The following PDE4D variants were observed in gnomAD, a reference collection of about 807,000 sequenced individuals.
PDE4D encodes the protein phosphodiesterase 4D.
In PDE4D, 24 loss-of-function variants were observed where a neutral mutation model predicts 87.4. The ratio of observed to expected loss-of-function variants is 0.27; its 90% CI spans 0.20 to 0.39. The LOEUF is 0.39. PDE4D is among the 10% of genes least tolerant of loss of function. The pLI, the probability that PDE4D is intolerant of heterozygous loss-of-function variation, is 1.00. For missense variants in PDE4D, 714 were observed against 1,041.0 expected, an observed-to-expected ratio of 0.69 and a Z score of 4.32; for synonymous variants, 384 against 383.2, an observed-to-expected ratio of 1.00 and a Z score of -0.02.
chr5:60,459,727 G>A (rs1420529320), intron 1 of PDE4D: 1 of 376,132 alleles, frequency 2.7e-6, no homozygotes, highest in South Asian at 3.3e-5. Flanking sequence ...CCATGGTGTA[G>A]AGCAAAGAGA....
intron 1 of PDE4D, among the ~76,000 whole-genome samples, chr5:59,699,983 CT>C (rs947819824): frequency 3.3e-5 from 5 of 152,088 alleles, no homozygotes; most frequent in Non-Finnish European, 7.4e-5. Flanking sequence ...GGCAGGATCC[CT>C]TTAGTTTGAG....
intron 1 of PDE4D, among the ~76,000 whole-genome samples, chr5:59,743,356 C>G (rs949708394): frequency 6.6e-6 from 1 of 152,108 alleles, no homozygotes; most frequent in Non-Finnish European, 1.5e-5. Flanking sequence ...GATTAAATAA[C>G]TCCACCAAAA....
At chr5:58,990,997 G>A in intron 8 of PDE4D, 95 bp from the exon 9 acceptor site, 3 of 741,834 alleles carry the variant, frequency 4.0e-6, no homozygotes, top group Non-Finnish European at 4.5e-6. Flanking sequence ...CAGACCTTAG[G>A]TGGCCGGGCA....
At chr5:59,872,031 C>T (rs1747882888) in intron 1 of PDE4D, among the ~76,000 whole-genome samples, 1 of 152,126 alleles carries the variant, frequency 6.6e-6, no homozygotes, top group Non-Finnish European at 1.5e-5. Context: ...ACCTCAACTC[C>T]ACCAAGCCCA....
chr5:60,427,874 C>G (rs1743854998), intron 1 of PDE4D, among the ~76,000 whole-genome samples: 1 of 152,028 alleles, frequency 6.6e-6, no homozygotes. Flanking sequence ...GAGTTTGAGA[C>G]CAGCCTGGGC....
At chr5:60,344,911 G>GA (rs1331872660) in intron 1 of PDE4D, among the ~76,000 whole-genome samples, 5 of 151,874 alleles carry the variant, frequency 3.3e-5, no homozygotes, top group Non-Finnish European at 5.9e-5. Context: ...ACATATTGTG[G>GA]AAAAAGTGAA....
chr5:59,446,690 G>A (rs1369737975), intron 1 of PDE4D, among the ~76,000 whole-genome samples: 1 of 152,214 alleles, frequency 6.6e-6, no homozygotes, highest in African/African-American at 2.4e-5. Context: ...CAATATCCTT[G>A]AGATATTACT....
At chr5:58,985,605 A>C (rs1746232296) in intron 11 of PDE4D, among the ~76,000 whole-genome samples, 1 of 152,162 alleles carries the variant, frequency 6.6e-6, no homozygotes, top group Non-Finnish European at 1.5e-5. Flanking sequence ...TGGGTTTATA[A>C]ATTTGATAAT....
intron 2 of PDE4D, among the ~76,000 whole-genome samples, chr5:60,085,677 G>A (rs1024449884): frequency 6.6e-6 from 1 of 152,192 alleles, no homozygotes; most frequent in Non-Finnish European, 1.5e-5. Context: ...CTGAGGCACT[G>A]ACTCTACAGT....
rs192941942 is a variant in PDE4D at position 59,692,177 on chromosome 5, C to T, written c.455+200991G>A. 7.9e-5 allele frequency among the ~76,000 whole-genome samples: 12 copies of T among 152,124 alleles called. No individual in the cohort carries two copies. The East Asian group carries it at 1.7e-3, about 22-fold the overall frequency. ...TTGTTCCATTTTTGAATTGATAGTG[C>T]AATTAGTTAAGAAATAAGACATAGG... On this transcript the variant is annotated intron_variant, in intron 1 of 14. Transcript: ENST00000340635.
intron 1 of PDE4D, among the ~76,000 whole-genome samples, chr5:59,863,335 T>C (rs1746550512): frequency 6.6e-6 from 1 of 152,204 alleles, no homozygotes; most frequent in African/African-American, 2.4e-5. Flanking sequence ...ATTATTTATA[T>C]ATGTGAATAA....
chr5:60,041,754 A>C (rs1052473771), intron 2 of PDE4D, among the ~76,000 whole-genome samples: 1 of 152,134 alleles, frequency 6.6e-6, no homozygotes, highest in African/African-American at 2.4e-5. Flanking sequence ...TGCTGTGAGG[A>C]ATGGTGCATT....
chr5:60,221,791 T>C (rs1744524482), intron 1 of PDE4D, among the ~76,000 whole-genome samples: 1 of 152,182 alleles, frequency 6.6e-6, no homozygotes, highest in African/African-American at 2.4e-5. Flanking sequence ...AGTTCTCTTT[T>C]ATCACTGAGG....
intron 3 of PDE4D, among the ~76,000 whole-genome samples, chr5:59,954,612 T>G (rs1428625508): frequency 2.6e-5 from 4 of 152,272 alleles, no homozygotes; most frequent in African/African-American, 9.6e-5. Flanking sequence ...GAATAAGAAT[T>G]CATTCTTATT....
intron 1 of PDE4D, among the ~76,000 whole-genome samples, chr5:59,330,944 G>A (rs1405290883): frequency 2.6e-5 from 4 of 152,192 alleles, no homozygotes; most frequent in East Asian, 3.9e-4. Context: ...CAAGGGAAAC[G>A]CAGCCTCAAC....
intron 3 of PDE4D, among the ~76,000 whole-genome samples, chr5:59,928,226 A>C (rs1452051055): frequency 6.6e-6 from 1 of 152,230 alleles, no homozygotes; most frequent in Non-Finnish European, 1.5e-5. Context: ...AGACATTTGA[A>C]ACTCTCCTCC....
At chr5:59,859,356 T>C (rs1318946912) in intron 1 of PDE4D, among the ~76,000 whole-genome samples, 2 of 152,174 alleles carry the variant, frequency 1.3e-5, no homozygotes. Flanking sequence ...GAGGGTGGTT[T>C]CTAATGGTCA....
chr5:60,082,705 T>A (rs1331346642), intron 2 of PDE4D, among the ~76,000 whole-genome samples: 1 of 152,198 alleles, frequency 6.6e-6, no homozygotes, highest in Non-Finnish European at 1.5e-5. Flanking sequence ...TTCTACTTTG[T>A]GTCTGGAATG....
intron 2 of PDE4D, among the ~76,000 whole-genome samples, chr5:59,199,891 T>C (rs1407603882): frequency 6.6e-6 from 1 of 151,770 alleles, no homozygotes; most frequent in African/African-American, 2.4e-5. Context: ...TATACACATG[T>C]ACATATATAC....
Sources: gnomAD v4.1 joint callset for allele counts (sites outside exome capture counted in the v4.1 genomes callset) on GRCh38, gnomAD v4.1.1 for gene constraint, MANE v1.5 for transcripts, NCBI Gene and HGNC (gene_info 2026-07-23, HGNC 2026-07-21) for gene names.